The following CFAP20DC variants were observed in gnomAD, a reference collection of about 807,000 sequenced individuals.
CFAP20DC encodes CFAP20 domain containing.
In CFAP20DC, 84 loss-of-function variants were observed where a neutral mutation model predicts 101.7. That is an observed-to-expected ratio of 0.83 (90% CI 0.69 to 0.99). CFAP20DC has a LOEUF of 0.99. Among genes scored for constraint, CFAP20DC ranks in the 50% least tolerant of loss-of-function variants. CFAP20DC has a pLI of 0.00. For synonymous variants in CFAP20DC, 359 were observed against 351.2 expected, an observed-to-expected ratio of 1.02 and a Z score of -0.25; for missense variants, 1,007 against 970.3, an observed-to-expected ratio of 1.04 and a Z score of -0.50.
intron 15 of CFAP20DC, among the ~76,000 whole-genome samples, chr3:58,776,847 AAAGAGATG>A (rs2071381900): frequency 6.6e-6 from 1 of 152,124 alleles, no homozygotes; most frequent in Admixed American, 6.5e-5. Flanking sequence ...AAAGAACAGT[AAAGAGATG>A]AAGAGACAGT....
At chr3:58,765,978 T>G (rs2107446098) in intron 15 of CFAP20DC, among the ~76,000 whole-genome samples, 1 of 152,298 alleles carries the variant, frequency 6.6e-6, no homozygotes, top group South Asian at 2.1e-4. Flanking sequence ...TTACTTCCAA[T>G]TTCAGGAGGT....
At chr3:59,045,481 CAT>C (rs1445508835) in intron 3 of CFAP20DC, among the ~76,000 whole-genome samples, 1 of 151,976 alleles carries the variant, frequency 6.6e-6, no homozygotes, top group African/African-American at 2.4e-5. Context: ...TCTGATAAAT[CAT>C]ATTCCTTAAA....
At chr3:58,881,686 A>G (rs1233798538) in intron 7 of CFAP20DC, among the ~76,000 whole-genome samples, 9 of 152,196 alleles carry the variant, frequency 5.9e-5, no homozygotes, top group Admixed American at 5.9e-4. Flanking sequence ...ATCTCTCAAT[A>G]TGTGCATTCA....
intron 15 of CFAP20DC, among the ~76,000 whole-genome samples, chr3:58,786,690 T>C (rs75650275): frequency 0.01 from 1,504 of 145,578 alleles, 24 homozygotes; most frequent in African/African-American, 0.036. Context: ...AGAGCAAGAA[T>C]AGTGATGTTG....
intron 5 of CFAP20DC, among the ~76,000 whole-genome samples, chr3:58,916,254 T>C (rs942981224): frequency 3.9e-5 from 6 of 152,144 alleles, no homozygotes; most frequent in South Asian, 2.1e-4. Context: ...CAGCATGGCA[T>C]GGACATGACA....
intron 4 of CFAP20DC, among the ~76,000 whole-genome samples, chr3:59,036,648 CACAA>C (rs1407605728): frequency 6.6e-6 from 1 of 152,048 alleles, no homozygotes; most frequent in African/African-American, 2.4e-5. Flanking sequence ...TAAGAGAGGA[CACAA>C]ACAAATGGAA....
intron 12 of CFAP20DC, among the ~76,000 whole-genome samples, chr3:58,851,300 A>G (rs2078208823): frequency 6.6e-6 from 1 of 152,164 alleles, no homozygotes; most frequent in African/African-American, 2.4e-5. Context: ...CTGGAGGCCA[A>G]TCAGTAGACT....
At chr3:58,807,369 C>A (rs2074180674) in intron 14 of CFAP20DC, among the ~76,000 whole-genome samples, 1 of 152,194 alleles carries the variant, frequency 6.6e-6, no homozygotes, top group African/African-American at 2.4e-5. Flanking sequence ...TGAGATAAAA[C>A]TTCCAGAGGA....
intron 7 of CFAP20DC, among the ~76,000 whole-genome samples, chr3:58,879,129 T>A (rs572514019): frequency 1.3e-5 from 2 of 152,338 alleles, no homozygotes; most frequent in South Asian, 4.2e-4. Flanking sequence ...AAATAGTGAT[T>A]ACTGAGTAGA....
chr3:58,844,530 C>G (rs2077441245), intron 13 of CFAP20DC, among the ~76,000 whole-genome samples: 1 of 139,322 alleles, frequency 7.2e-6, no homozygotes, highest in South Asian at 2.3e-4. Flanking sequence ...GAGTGACCTA[C>G]AAAGAGACTT....
chr3:58,870,318 T>C lies in CFAP20DC; in HGVS notation c.716-9A>G. ...TCTGTTAATGAACTGATCTGTTTTG[T>C]TAAAGGAAGGTAATAATAGTCCATT... On this transcript the variant is annotated splice_polypyrimidine_tract_variant and intron_variant, in intron 7 of 16. Coordinates refer to ENST00000482387, the MANE Select transcript of CFAP20DC (RefSeq NM_001394063.1). 1 of 1,612,818 alleles carries C rather than the reference T, an allele frequency of 6.2e-7. No individual in the cohort carries two copies. Among genetic ancestry groups the C allele is most frequent in the Non-Finnish European group, 8.5e-7 (1 of 1,178,996 alleles).
chr3:58,901,938 C>T (rs1249357662), intron 6 of CFAP20DC, among the ~76,000 whole-genome samples: 2 of 152,098 alleles, frequency 1.3e-5, no homozygotes, highest in East Asian at 3.9e-4. Flanking sequence ...GTCTCCAGTC[C>T]CTGGCAGCCA....
intron 3 of CFAP20DC, among the ~76,000 whole-genome samples, chr3:58,723,929 A>G (rs1403105966): frequency 6.6e-6 from 1 of 152,232 alleles, no homozygotes; most frequent in Non-Finnish European, 1.5e-5. Context: ...GAATTCTGAC[A>G]GAAGAGGTAG....
intron 3 of CFAP20DC, among the ~76,000 whole-genome samples, chr3:59,045,897 GTT>G (rs1699815419): frequency 6.6e-6 from 1 of 152,046 alleles, no homozygotes; most frequent in African/African-American, 2.4e-5. Context: ...GATTAAAAGA[GTT>G]CATAAATATT....
rs933017562 is a variant in CFAP20DC at position 58,832,777 on chromosome 3, T to C, written c.1972-888A>G. Among the ~76,000 whole-genome samples, 4 of 152,214 alleles carry C rather than the reference T, an allele frequency of 2.6e-5. 1 individual carries two copies. The highest frequency in any genetic ancestry group is 2.0e-4 in the Admixed American group (3 of 15,286). On this transcript the variant is annotated intron_variant, in intron 13 of 16. Coordinates refer to ENST00000482387, the MANE Select transcript of CFAP20DC (RefSeq NM_001394063.1). The stretch of plus-strand genomic sequence containing the variant: ...TATTATTTCATGGTATAGGTGGAAA[T>C]TGGCATGTAGACTTTTCAAAATTTT...
At chr3:58,759,702 A>G (rs1473324308) in intron 15 of CFAP20DC, among the ~76,000 whole-genome samples, 5 of 152,160 alleles carry the variant, frequency 3.3e-5, no homozygotes, top group Non-Finnish European at 7.4e-5. Context: ...ATCTTGAATT[A>G]ATTTTTGTAC....
At chr3:58,796,748 T>A (rs553900278) in intron 15 of CFAP20DC, among the ~76,000 whole-genome samples, 2 of 152,226 alleles carry the variant, frequency 1.3e-5, no homozygotes, top group African/African-American at 2.4e-5. Flanking sequence ...TGAAGGTTTA[T>A]GGCACCCTGT....
At position 59,039,585 on chromosome 3, in the gene CFAP20DC, G is replaced by T; in HGVS notation, c.250C>A (p.Leu84Met). Reference protein sequence around the residue: ...RFLVLQIYVPLGQDFSTELLI... With the variant: ...RFLVLQIYVPMGQDFSTELLI... Reference sequence around the variant, plus strand: ...AATTCAGTGGAGAAGTCTTGTCCCAGGGGTACGTAAATCTGAAGTACAAGA... The same window carrying T: ...AATTCAGTGGAGAAGTCTTGTCCCATGGGTACGTAAATCTGAAGTACAAGA... Residue 84 changes from leucine to methionine, a missense_variant, in exon 4 of 17, where the codon CTG becomes ATG. Transcript: ENST00000482387. 5 of 1,527,214 alleles carry T rather than the reference G, an allele frequency of 3.3e-6. No homozygotes were observed. The highest frequency in any genetic ancestry group is 4.4e-6 in the Non-Finnish European group (5 of 1,141,682). The allele number at this position is 1,527,214 out of a possible 1,614,324, so 94.6% of individuals were successfully genotyped here.
At chr3:58,998,754 G>A (rs2108720701) in intron 4 of CFAP20DC, among the ~76,000 whole-genome samples, 1 of 152,232 alleles carries the variant, frequency 6.6e-6, no homozygotes, top group Middle Eastern at 3.4e-3. Flanking sequence ...CCCAGAAACA[G>A]GAGCTACTCT....
Sources: gnomAD v4.1 joint callset for allele counts (sites outside exome capture counted in the v4.1 genomes callset) on GRCh38, gnomAD v4.1.1 for gene constraint, MANE v1.5 for transcripts, NCBI Gene and HGNC (gene_info 2026-07-23, HGNC 2026-07-21) for gene names.